Variants in COBL observed in about 807,000 individuals in gnomAD.
COBL encodes the protein cordon-bleu WH2 repeat protein, also known as protein cordon-bleu.
COBL carries 51 observed loss-of-function variants against 98.8 expected under a neutral mutation model. The ratio of observed to expected loss-of-function variants is 0.52; its 90% CI spans 0.41 to 0.65. The LOEUF is 0.65. Among genes scored for constraint, COBL ranks in the 30% least tolerant of loss-of-function variants. COBL has a pLI of 0.00. For synonymous variants in COBL, 634 were observed against 651.7 expected, an observed-to-expected ratio of 0.97 and a Z score of 0.41; for missense variants, 1,617 against 1,617.5, an observed-to-expected ratio of 1.00 and a Z score of 0.01.
intron 1 of COBL, among the ~76,000 whole-genome samples, chr7:51,314,499 T>G (rs1803345991): frequency 6.6e-6 from 1 of 152,178 alleles, no homozygotes; most frequent in Non-Finnish European, 1.5e-5. Flanking sequence ...TATCTAACCT[T>G]TATAATTAGC....
intron 7 of COBL, among the ~76,000 whole-genome samples, chr7:51,050,524 G>A (rs1790129862): frequency 6.6e-6 from 1 of 152,148 alleles, no homozygotes; most frequent in African/African-American, 2.4e-5. Flanking sequence ...TATTTCCCTA[G>A]GACAATGTTA....
Position 51,028,144 on chromosome 7 carries a change from C to T in COBL, c.2952G>A (p.Arg984=), listed in dbSNP as rs1314190143. The change falls in exon 10 of 13, where the codon AGG becomes AGA. Residue 984 remains arginine, a synonymous_variant. Transcript: ENST00000265136. Reference sequence around the variant, plus strand: ...AGCTCTGTCCCACAGAAACACGATCCCTCTGGGAAGACTGAACCAGTGAGA... The same window carrying T: ...AGCTCTGTCCCACAGAAACACGATCTCTCTGGGAAGACTGAACCAGTGAGA... ...SCFSLVQSSQ[R]DRVSVGQSCG... is the part of the protein sequence containing the mutation. The T allele has an allele frequency of 6.2e-7, 1 of 1,614,250 alleles. No individual in the cohort carries two copies. The highest frequency in any genetic ancestry group is 8.5e-7 in the Non-Finnish European group (1 of 1,180,048).
intron 1 of COBL, among the ~76,000 whole-genome samples, chr7:51,303,847 T>C (rs1400188282): frequency 4.6e-5 from 7 of 152,144 alleles, no homozygotes; most frequent in Non-Finnish European, 8.8e-5. Flanking sequence ...TTTTTAAAGG[T>C]GGTCACCCAA....
chr7:51,146,102 ATGGGTT>A (rs1667284293), intron 5 of COBL, among the ~76,000 whole-genome samples: 1 of 152,208 alleles, frequency 6.6e-6, no homozygotes, highest in South Asian at 2.1e-4. Flanking sequence ...TTTCATATGC[ATGGGTT>A]TCACATGCAA....
chr7:51,232,801 ACCC>A (rs1794887732), intron 1 of COBL, among the ~76,000 whole-genome samples: 1 of 151,614 alleles, frequency 6.6e-6, no homozygotes, highest in Non-Finnish European at 1.5e-5. Flanking sequence ...ACAGAGAGAG[ACCC>A]CACCACAAAA....
intron 2 of COBL, among the ~76,000 whole-genome samples, chr7:51,195,107 A>G (rs1404424247): frequency 6.6e-6 from 1 of 152,138 alleles, no homozygotes; most frequent in Non-Finnish European, 1.5e-5. Context: ...TATGTCCAGA[A>G]TGGTATTGCC....
chr7:51,220,007 T>C (rs2129088403), intron 1 of COBL, 63 bp from the exon 2 acceptor site: 2 of 1,510,840 alleles, frequency 1.3e-6, no homozygotes, highest in East Asian at 2.3e-5. Context: ...CTCGGAATAA[T>C]TCGTTCTTAC....
At chr7:51,084,296 C>T (rs768495632) in intron 7 of COBL, among the ~76,000 whole-genome samples, 5 of 152,062 alleles carry the variant, frequency 3.3e-5, no homozygotes, top group Admixed American at 6.5e-5. Context: ...AAAGGCAAAA[C>T]GCGGGGCTGC....
At chr7:51,217,427 C>T (rs1793170937) in intron 2 of COBL, among the ~76,000 whole-genome samples, 1 of 150,326 alleles carries the variant, frequency 6.7e-6, no homozygotes, top group Non-Finnish European at 1.5e-5. Flanking sequence ...CCACAGTCTC[C>T]ATCTCCCGGG....
At chr7:51,181,911 C>T (rs1346140390) in intron 5 of COBL, among the ~76,000 whole-genome samples, 2 of 152,236 alleles carry the variant, frequency 1.3e-5, no homozygotes, top group African/African-American at 4.8e-5. Flanking sequence ...TGCGCCTTCA[C>T]TGCTGTGTTG....
At chr7:51,198,621 GT>G (rs898361450) in intron 2 of COBL, among the ~76,000 whole-genome samples, 1 of 152,128 alleles carries the variant, frequency 6.6e-6, no homozygotes, top group Non-Finnish European at 1.5e-5. Flanking sequence ...TTGGGCACAG[GT>G]TTTTTTCCTC....
intron 2 of COBL, among the ~76,000 whole-genome samples, chr7:51,217,466 CGAGTAGCTGGG>C (rs1793177078): frequency 6.6e-6 from 1 of 151,726 alleles, no homozygotes; most frequent in Non-Finnish European, 1.5e-5. Context: ...CTCAGCCTCC[CGAGTAGCTGGG>C]ATTACAGGCA....
At chr7:51,097,988 C>G (rs534865509) in intron 6 of COBL, among the ~76,000 whole-genome samples, 228 of 141,568 alleles carry the variant, frequency 1.6e-3, no homozygotes, top group African/African-American at 5.7e-3. Flanking sequence ...TGCGCCACTG[C>G]ACTCCAGCCT....
chr7:51,301,063 C>T (rs1231466464), intron 1 of COBL, among the ~76,000 whole-genome samples: 1 of 151,958 alleles, frequency 6.6e-6, no homozygotes, highest in Non-Finnish European at 1.5e-5. Flanking sequence ...AGCACCCTCA[C>T]CCCGCACGCT....
At chr7:51,172,486 G>T (rs183402470) in intron 5 of COBL, 3 of 1,288,268 alleles carry the variant, frequency 2.3e-6, no homozygotes, top group African/African-American at 1.5e-5. Context: ...CAGCCCTGGA[G>T]GTGTCCTCAT....
chr7:51,301,107 C>T (rs1801920307), intron 1 of COBL, among the ~76,000 whole-genome samples: 1 of 152,136 alleles, frequency 6.6e-6, no homozygotes, highest in African/African-American at 2.4e-5. Context: ...GATACACGCA[C>T]CGCGCAGGCT....
chr7:51,018,901 AAAAAATATATAT>A (rs1215622026), intron 12 of COBL, among the ~76,000 whole-genome samples: 3 of 58,118 alleles, frequency 5.2e-5, no homozygotes, highest in African/African-American at 2.4e-4. Flanking sequence ...CAAAAAAAAA[AAAAAATATATAT>A]ATATATATAT....
At chr7:51,315,820 G>A (rs1442042362) in intron 1 of COBL, among the ~76,000 whole-genome samples, 1 of 152,228 alleles carries the variant, frequency 6.6e-6, no homozygotes, top group Non-Finnish European at 1.5e-5. Flanking sequence ...AATGTGACGT[G>A]TAATCCCTGC....
At chr7:51,059,624 T>A (rs1791117479) in intron 7 of COBL, among the ~76,000 whole-genome samples, 1 of 100,586 alleles carries the variant, frequency 9.9e-6, no homozygotes, top group South Asian at 3.6e-4. Flanking sequence ...TGTTTGTAGA[T>A]CAAACAAGCC....
Sources: gnomAD v4.1 joint callset for allele counts (sites outside exome capture counted in the v4.1 genomes callset) on GRCh38, gnomAD v4.1.1 for gene constraint, MANE v1.5 for transcripts, NCBI Gene and HGNC (gene_info 2026-07-23, HGNC 2026-07-21) for gene names.